CNDP1: variants seen among roughly 807,000 people sequenced by gnomAD.
CNDP1 encodes the protein carnosine dipeptidase 1.
Under a neutral mutation model 58.1 loss-of-function variants are expected in CNDP1, and 44 were observed. That is an observed-to-expected ratio of 0.76 (90% CI 0.60 to 0.97). The LOEUF is 0.97. Among genes scored for constraint, CNDP1 ranks in the 50% least tolerant of loss-of-function variants. The pLI, the probability that CNDP1 is intolerant of heterozygous loss-of-function variation, is 0.00. For synonymous variants in CNDP1, 254 were observed against 252.6 expected, an observed-to-expected ratio of 1.01 and a Z score of -0.05; for missense variants, 616 against 655.1, an observed-to-expected ratio of 0.94 and a Z score of 0.65.
At position 74,557,007 on chromosome 18, in the gene CNDP1, T is replaced by C. The variant is rs145802638; in HGVS notation, c.153+541T>C. Among the ~76,000 whole-genome samples, 500 of 151,564 alleles carry C rather than the reference T, an allele frequency of 3.3e-3. 2 individuals carry two copies. The highest frequency in any genetic ancestry group is 4.8e-3 in the Non-Finnish European group (323 of 67,912). On this transcript the variant is annotated intron_variant, in intron 2 of 11. Transcript: ENST00000358821. ...CTCGGCTAACCTCAACTTCCCAGGT[T>C]CAGGTGATTCTCCTGCCTCAGCCTC... is the stretch of plus-strand genomic sequence containing the variant.
chr18:74,572,442 C>T (rs1981502417), intron 7 of CNDP1, among the ~76,000 whole-genome samples: 1 of 152,082 alleles, frequency 6.6e-6, no homozygotes, highest in Non-Finnish European at 1.5e-5. Context: ...ATGCTTTAGA[C>T]CCTGCAACAC....
chr18:74,583,946 G>A (rs1042129711), intron 11 of CNDP1: 16 of 487,854 alleles, frequency 3.3e-5, no homozygotes, highest in Admixed American at 3.1e-4. Context: ...CTGCGATGGT[G>A]GGGTTAGGTG....
intron 7 of CNDP1, among the ~76,000 whole-genome samples, chr18:74,575,621 C>T (rs12956997): frequency 0.35 from 52,820 of 151,982 alleles, 10,124 homozygotes; most frequent in Non-Finnish European, 0.43. Context: ...ATGAAGAGCA[C>T]ACTAGTGTAT....
At chr18:74,548,438 G>T (rs894558649) in intron 1 of CNDP1, among the ~76,000 whole-genome samples, 1 of 152,130 alleles carries the variant, frequency 6.6e-6, no homozygotes, top group Non-Finnish European at 1.5e-5. Flanking sequence ...GCTCCTTGAG[G>T]CCTCCCCAGA....
At chr18:74,562,015 C>T (rs778883603) in intron 4 of CNDP1, 32 bp from the exon 5 acceptor site, 3 of 1,591,070 alleles carry the variant, frequency 1.9e-6, no homozygotes, top group South Asian at 1.1e-5. Flanking sequence ...GGTGTCCACA[C>T]TTCTCTGAAC....
At chr18:74,540,185 T>C (rs1980582968) in intron 1 of CNDP1, among the ~76,000 whole-genome samples, 1 of 145,800 alleles carries the variant, frequency 6.9e-6, no homozygotes, top group South Asian at 2.2e-4. Flanking sequence ...TGAGACGGAG[T>C]CTGGCTCTGT....
chr18:74,556,370 G>GCTC lies in CNDP1; in HGVS notation c.59_60insCCT (p.Leu20dup), dbSNP rs869307089. The GCTC allele has an allele frequency of 6.2e-7, 1 of 1,614,078 alleles. No homozygotes were observed. The highest frequency in any genetic ancestry group is 8.5e-7 in the Non-Finnish European group (1 of 1,180,030). On this transcript the variant is annotated inframe_insertion, in exon 2 of 12. Transcript: ENST00000358821. ...CCCTGCTGGCTGTGCTGCTGCTGCT[G>GCTC]CTGGAGCGCGGCATGTTCTCCTCAC...
chr18:74,572,746 G>A (rs1350677648), intron 7 of CNDP1, among the ~76,000 whole-genome samples: 5 of 135,616 alleles, frequency 3.7e-5, no homozygotes, highest in East Asian at 2.2e-4. Context: ...TGAGATAATC[G>A]TGCCACTGTA....
At chr18:74,535,847 C>CA (rs576508591) in intron 1 of CNDP1, among the ~76,000 whole-genome samples, 63 of 152,044 alleles carry the variant, frequency 4.1e-4, no homozygotes, top group Non-Finnish European at 5.4e-4. Context: ...GCCTGGGCAA[C>CA]ATAGTGAGAC....
At chr18:74,567,047 G>A in intron 5 of CNDP1, 186 bp from the exon 6 acceptor site, 1 of 597,058 alleles carries the variant, frequency 1.7e-6, no homozygotes, top group Non-Finnish European at 3.0e-6. Context: ...CAGATCTCAT[G>A]AGACTTACTC....
chr18:74,581,430 T>G (rs1294638075), intron 10 of CNDP1, among the ~76,000 whole-genome samples: 1 of 152,084 alleles, frequency 6.6e-6, no homozygotes, highest in African/African-American at 2.4e-5. Flanking sequence ...AAGCACAGCA[T>G]TGCCCAGGAG....
In CNDP1 at chr18:74,584,650, G is replaced by A; in HGVS notation, c.*88G>A. 1 of 1,055,150 alleles carries A rather than the reference G, an allele frequency of 9.5e-7. No individual in the cohort carries two copies. Among genetic ancestry groups the A allele is most frequent in the Non-Finnish European group, 1.5e-6 (1 of 673,684 alleles). 65.4% of individuals were successfully genotyped at this position (1,055,150 alleles called of 1,614,324 possible). On this transcript the variant is annotated 3_prime_UTR_variant, in exon 12 of 12. Coordinates refer to ENST00000358821, the MANE Select transcript of CNDP1 (RefSeq NM_032649.6). ...CAGGGATGGAATGTAAATATCCAGA[G>A]AATTTGGGTCTAGTATAGTACATTT...
chr18:74,558,392 CTTTTT>C (rs71168498), intron 2 of CNDP1, among the ~76,000 whole-genome samples: 41 of 114,318 alleles, frequency 3.6e-4, no homozygotes, highest in African/African-American at 1.3e-3. Flanking sequence ...CTTTCTTTTT[CTTTTT>C]TTTTTTTTTT....
chr18:74,552,791 T>G (rs1273496819), intron 1 of CNDP1, among the ~76,000 whole-genome samples: 1 of 152,238 alleles, frequency 6.6e-6, no homozygotes, highest in Non-Finnish European at 1.5e-5. Context: ...GTCTTGGATA[T>G]GTACTCAGGA....
rs967184234 is a variant in CNDP1, at chr18:74,560,861, C to A, written c.309C>A (p.Pro103=). Residue 103 remains proline (P), a synonymous_variant, in exon 4 of 12, where the codon CCC becomes CCA. Coordinates refer to ENST00000358821, the MANE Select transcript of CNDP1 (RefSeq NM_032649.6). ...GATTCCTGATCATTCTGCAGCTGCCCGATGGTCAGAGTCTTCCAATACCTC... is the reference window on the plus strand; with the variant it reads ...GATTCCTGATCATTCTGCAGCTGCCAGATGGTCAGAGTCTTCCAATACCTC... The part of the protein sequence containing the change: ...ASVDMGPQQL[P]DGQSLPIPPV... The A allele has an allele frequency of 1.9e-6, 3 of 1,612,184 alleles. No individual in the cohort carries two copies. In the East Asian group the frequency reaches 6.7e-5, roughly 36 times the overall value.
chr18:74,582,592 C>G (rs1453416346), intron 10 of CNDP1, among the ~76,000 whole-genome samples: 1 of 152,188 alleles, frequency 6.6e-6, no homozygotes, highest in Non-Finnish European at 1.5e-5. Context: ...TGCATGACCT[C>G]TTGCAATCAC....
At chr18:74,581,326 C>T (rs184273890) in intron 10 of CNDP1, among the ~76,000 whole-genome samples, 1 of 150,476 alleles carries the variant, frequency 6.6e-6, no homozygotes, top group Non-Finnish European at 1.5e-5. Context: ...AATTTTTAAC[C>T]ATGGACCCTT....
chr18:74,534,665 C>G lies in CNDP1; in HGVS notation c.-3C>G, dbSNP rs748055967. On this transcript the variant is annotated 5_prime_UTR_variant, in exon 1 of 12. Coordinates refer to ENST00000358821, the MANE Select transcript of CNDP1 (RefSeq NM_032649.6). ...TTGCTAGAGGCTTCAGAACTCCAGC[C>G]TAATGGATCCCAAACTCGGGAGAAT... 2 of 1,614,116 alleles carry G rather than the reference C, an allele frequency of 1.2e-6. No individual in the cohort carries two copies. The highest frequency in any genetic ancestry group is 4.5e-5 in the East Asian group (2 of 44,868).
chr18:74,575,067 A>AGAAGGAAGGAAAG (rs1981592049), intron 7 of CNDP1, among the ~76,000 whole-genome samples: 2 of 122,416 alleles, frequency 1.6e-5, no homozygotes, highest in South Asian at 5.1e-4. Context: ...GAAAGAAGAA[A>AGAAGGAAGGAAAG]GAAGGAAGGA....
Sources: gnomAD v4.1 joint callset for allele counts (sites outside exome capture counted in the v4.1 genomes callset) on GRCh38, gnomAD v4.1.1 for gene constraint, MANE v1.5 for transcripts, NCBI Gene and HGNC (gene_info 2026-07-23, HGNC 2026-07-21) for gene names.